The following EFNA5 variants were observed in gnomAD, a reference collection of about 807,000 sequenced individuals.
The protein encoded by EFNA5 is ephrin A5.
EFNA5 carries 5 observed loss-of-function variants against 22.9 expected under a neutral mutation model. The observed-to-expected ratio is 0.22, with a 90% CI of 0.11 to 0.46. The LOEUF (loss-of-function observed/expected upper bound fraction) is 0.46, where lower values mean the gene tolerates loss of function less well. EFNA5 is among the 20% of genes least tolerant of loss of function. EFNA5 has a pLI of 0.99. For missense variants in EFNA5, 237 were observed against 293.3 expected (o/e 0.81, Z 1.40); for synonymous variants, 113 against 112.2 (o/e 1.01, Z -0.04).
intron 1 of EFNA5, among the ~76,000 whole-genome samples, chr5:107,467,828 C>A (rs1299753490): frequency 3.3e-5 from 5 of 152,324 alleles, no homozygotes; most frequent in Admixed American, 6.5e-5. Context: ...CAGTGACCCA[C>A]TGTCCAAGGT....
At chr5:107,448,866 T>TAAATAAAAAAAATA (rs1554059796) in intron 1 of EFNA5, among the ~76,000 whole-genome samples, 9 of 141,318 alleles carry the variant, frequency 6.4e-5, no homozygotes, top group Admixed American at 2.2e-4. Context: ...AATAAATAAA[T>TAAATAAAAAAAATA]AAATAAAATA....
chr5:107,480,893 T>C (rs1435302582), intron 1 of EFNA5, among the ~76,000 whole-genome samples: 2 of 118,792 alleles, frequency 1.7e-5, no homozygotes, highest in Non-Finnish European at 3.8e-5. Context: ...AACTTGGAAA[T>C]AACAGGTCTG....
At chr5:107,495,692 C>T (rs981244416) in intron 1 of EFNA5, among the ~76,000 whole-genome samples, 2 of 152,128 alleles carry the variant, frequency 1.3e-5, no homozygotes, top group African/African-American at 4.8e-5. Context: ...AACTCCTTGG[C>T]GCCTCCTCTC....
At chr5:107,414,200 A>G (rs1389653750) in intron 2 of EFNA5, among the ~76,000 whole-genome samples, 1 of 152,124 alleles carries the variant, frequency 6.6e-6, no homozygotes, top group East Asian at 1.9e-4. Flanking sequence ...CAAGAATTTG[A>G]CTTTTTACCT....
At chr5:107,594,601 TA>T (rs1206238502) in intron 1 of EFNA5, among the ~76,000 whole-genome samples, 1 of 152,206 alleles carries the variant, frequency 6.6e-6, no homozygotes, top group Non-Finnish European at 1.5e-5. Flanking sequence ...AATGTTCCAG[TA>T]ATCCCCTATC....
chr5:107,600,081 T>A (rs1265691082), intron 1 of EFNA5, among the ~76,000 whole-genome samples: 1 of 152,234 alleles, frequency 6.6e-6, no homozygotes, highest in Non-Finnish European at 1.5e-5. Flanking sequence ...GTTCCCCTGA[T>A]GTCATCCAGA....
chr5:107,587,611 G>C (rs540815834), intron 1 of EFNA5, among the ~76,000 whole-genome samples: 1 of 152,248 alleles, frequency 6.6e-6, no homozygotes, highest in South Asian at 2.1e-4. Flanking sequence ...CCGCCTCCCG[G>C]GTTCATGCCA....
intron 2 of EFNA5, among the ~76,000 whole-genome samples, chr5:107,406,217 T>C (rs993311300): frequency 6.6e-6 from 1 of 150,840 alleles, no homozygotes; most frequent in Non-Finnish European, 1.5e-5. Flanking sequence ...ATATAATGTA[T>C]ACAAATATTA....
chr5:107,571,046 C>T (rs2112486311), intron 1 of EFNA5, among the ~76,000 whole-genome samples: 1 of 152,336 alleles, frequency 6.6e-6, no homozygotes, highest in South Asian at 2.1e-4. Flanking sequence ...CTCTCTCTCT[C>T]TCAACAGGAA....
chr5:107,470,585 G>A (rs577058099), intron 1 of EFNA5, among the ~76,000 whole-genome samples: 2 of 152,196 alleles, frequency 1.3e-5, no homozygotes, highest in Non-Finnish European at 2.9e-5. Flanking sequence ...ATGATGCATA[G>A]ATGGGAATTT....
chr5:107,622,943 C>A (rs1750065703), intron 1 of EFNA5, among the ~76,000 whole-genome samples: 2 of 145,716 alleles, frequency 1.4e-5, no homozygotes, highest in South Asian at 4.4e-4. Flanking sequence ...ATGGCGTGAA[C>A]CCGGGAAGCG....
chr5:107,499,475 C>T (rs1747083848), intron 1 of EFNA5, among the ~76,000 whole-genome samples: 1 of 152,218 alleles, frequency 6.6e-6, no homozygotes, highest in Admixed American at 6.5e-5. Context: ...TACTACCAAG[C>T]ATGGTTTTAG....
intron 1 of EFNA5, among the ~76,000 whole-genome samples, chr5:107,602,212 T>G (rs1749614855): frequency 6.6e-6 from 1 of 152,194 alleles, no homozygotes; most frequent in African/African-American, 2.4e-5. Flanking sequence ...GAGTTAAATT[T>G]GGAAAATCCA....
At chr5:107,470,200 TCTG>T (rs1284871240) in intron 1 of EFNA5, among the ~76,000 whole-genome samples, 1 of 152,204 alleles carries the variant, frequency 6.6e-6, no homozygotes, top group Non-Finnish European at 1.5e-5. Context: ...TCTCTTGCCA[TCTG>T]CTTTTAGTCC....
At chr5:107,669,250 C>T (rs867696665) in intron 1 of EFNA5, among the ~76,000 whole-genome samples, 2 of 151,826 alleles carry the variant, frequency 1.3e-5, no homozygotes, top group South Asian at 4.2e-4. Context: ...GAGCCCGGGG[C>T]GCGCACCAAC....
chr5:107,637,279 C>A (rs1488931236), intron 1 of EFNA5, among the ~76,000 whole-genome samples: 1 of 152,050 alleles, frequency 6.6e-6, no homozygotes, highest in African/African-American at 2.4e-5. Context: ...TAATCCACTC[C>A]CAAGAATGAC....
In EFNA5 at chr5:107,442,439, G is replaced by T. The variant is rs114928106; in HGVS notation, c.126-14930C>A. On this transcript the variant is annotated intron_variant, in intron 1 of 4. Coordinates refer to ENST00000333274, the MANE Select transcript of EFNA5 (RefSeq NM_001962.3). ...ACATAAAGAAATTCTCTTTTCAAGG[G>T]CATCCAGCTTTCCAGTGTAGTTCAA... is the stretch of plus-strand genomic sequence containing the variant. Among the ~76,000 whole-genome samples, 837 of 152,134 alleles carry T rather than the reference G, an allele frequency of 5.5e-3. 5 individuals carry two copies. Among genetic ancestry groups the T allele is most frequent in the Middle Eastern group, 0.01 (3 of 294 alleles).
intron 1 of EFNA5, among the ~76,000 whole-genome samples, chr5:107,440,371 C>T (rs1014796709): frequency 6.6e-6 from 1 of 152,126 alleles, no homozygotes; most frequent in Non-Finnish European, 1.5e-5. Flanking sequence ...TCTTAATAAA[C>T]TCTACTTTCA....
chr5:107,649,501 G>T (rs992646966), intron 1 of EFNA5, among the ~76,000 whole-genome samples: 1 of 152,062 alleles, frequency 6.6e-6, no homozygotes, highest in Non-Finnish European at 1.5e-5. Context: ...ATAATATGTA[G>T]ATTTCATGGA....
Sources: allele counts gnomAD v4.1 joint callset (sites outside exome capture counted in the v4.1 genomes callset), GRCh38; gene constraint gnomAD v4.1.1; transcripts MANE v1.5; gene names NCBI Gene and HGNC (gene_info 2026-07-23, HGNC 2026-07-21).